The following FAM184A variants were observed in gnomAD, a reference collection of about 807,000 sequenced individuals.
FAM184A encodes family with sequence similarity 184 member A.
Under a neutral mutation model 143.8 loss-of-function variants are expected in FAM184A, and 99 were observed. The ratio of observed to expected loss-of-function variants is 0.69; its 90% CI spans 0.58 to 0.81. The LOEUF (loss-of-function observed/expected upper bound fraction) is 0.81. FAM184A is among the 40% of genes least tolerant of loss of function. The pLI is 0.00. For synonymous variants in FAM184A, 427 were observed against 446.4 expected, an observed-to-expected ratio of 0.96 and a Z score of 0.55; for missense variants, 1,217 against 1,310.5, an observed-to-expected ratio of 0.93 and a Z score of 1.10.
intron 1 of FAM184A, among the ~76,000 whole-genome samples, chr6:119,106,939 A>G (rs1018043005): frequency 1.3e-5 from 2 of 152,224 alleles, no homozygotes; most frequent in Non-Finnish European, 2.9e-5. Flanking sequence ...TTTTCCAAAA[A>G]TGAGAAAAAG....
At chr6:118,977,548 C>T (rs1783883509) in intron 11 of FAM184A, among the ~76,000 whole-genome samples, 1 of 152,164 alleles carries the variant, frequency 6.6e-6, no homozygotes, top group Non-Finnish European at 1.5e-5. Flanking sequence ...CCACTGCATT[C>T]TTAACCTGGG....
At chr6:118,969,153 G>A (rs897310596) in intron 14 of FAM184A, among the ~76,000 whole-genome samples, 1 of 152,152 alleles carries the variant, frequency 6.6e-6, no homozygotes, top group Non-Finnish European at 1.5e-5. Context: ...CTGTCACCAT[G>A]TGAATAAGGA....
At chr6:119,109,675 T>C (rs1196234016) in intron 1 of FAM184A, among the ~76,000 whole-genome samples, 1 of 152,236 alleles carries the variant, frequency 6.6e-6, no homozygotes, top group African/African-American at 2.4e-5. Context: ...AAGCTGTTAA[T>C]GAACAGAGAC....
chr6:119,021,134 G>A (rs1429106705), intron 3 of FAM184A, among the ~76,000 whole-genome samples: 4 of 152,156 alleles, frequency 2.6e-5, no homozygotes, highest in Non-Finnish European at 5.9e-5. Context: ...AAACTCTGAG[G>A]GTGGGGCCCA....
chr6:119,057,147 A>G (rs1787009347), intron 1 of FAM184A, among the ~76,000 whole-genome samples: 1 of 152,206 alleles, frequency 6.6e-6, no homozygotes, highest in Admixed American at 6.5e-5. Context: ...TGCTGCCCAA[A>G]TACACACATA....
rs188038092 is a variant in FAM184A at position 119,032,835 on chromosome 6, T to C, written c.160-8022A>G. Among the ~76,000 whole-genome samples, 490 of 152,356 alleles carry C rather than the reference T, an allele frequency of 3.2e-3. 1 individual carries two copies. The highest frequency in any genetic ancestry group is 4.7e-3 in the Non-Finnish European group (319 of 68,038). ...ATTTTAAACAAAGAGAATGTTTGTA[T>C]TATTAAATCTTCAATTCTTCTAGTT... is the stretch of plus-strand genomic sequence containing the variant. On this transcript the variant is annotated intron_variant, in intron 1 of 17. Coordinates refer to ENST00000338891, the MANE Select transcript of FAM184A (RefSeq NM_024581.6).
In FAM184A at chr6:119,011,456, A is replaced by T. The variant is rs186768282; in HGVS notation, c.1531-25T>A. 1.1e-4 allele frequency: 146 copies of T among 1,364,830 alleles called. No homozygotes were observed. The African/African-American group carries it at 1.2e-3, about 11-fold the overall frequency. 84.5% of individuals were successfully genotyped at this position (1,364,830 alleles called of 1,614,324 possible). The stretch of plus-strand genomic sequence containing the variant: ...CCTTAGAAAAAGAAATTTTTTAAAA[A>T]TTAACAAAATTGCAAGTATTATATA... On this transcript the variant is annotated intron_variant, in intron 5 of 17. Transcript: ENST00000338891.
chr6:119,042,494 G>T (rs1199849290), intron 1 of FAM184A, among the ~76,000 whole-genome samples: 1 of 151,964 alleles, frequency 6.6e-6, no homozygotes, highest in Non-Finnish European at 1.5e-5. Context: ...ATGCCCCTCA[G>T]TTGAATTCTT....
intron 9 of FAM184A, among the ~76,000 whole-genome samples, chr6:118,987,614 T>C (rs1211488406): frequency 6.6e-6 from 1 of 152,178 alleles, no homozygotes; most frequent in Admixed American, 6.5e-5. Context: ...ATTATAACAT[T>C]ACAATGTATA....
At chr6:119,130,139 CAT>C (rs1202285457) in intron 1 of FAM184A, among the ~76,000 whole-genome samples, 1 of 151,916 alleles carries the variant, frequency 6.6e-6, no homozygotes, top group African/African-American at 2.4e-5. Flanking sequence ...GAATATGAGT[CAT>C]ATATTTTTCC....
intron 1 of FAM184A, among the ~76,000 whole-genome samples, chr6:119,117,310 C>T (rs1789085661): frequency 6.6e-6 from 1 of 152,056 alleles, no homozygotes; most frequent in Admixed American, 6.6e-5. Flanking sequence ...ATAGTGGTGC[C>T]CTTAACTAGG....
intron 1 of FAM184A, among the ~76,000 whole-genome samples, chr6:119,069,307 A>C (rs1787593569): frequency 6.6e-6 from 1 of 152,112 alleles, no homozygotes; most frequent in Non-Finnish European, 1.5e-5. Flanking sequence ...ACACACACAC[A>C]CACACACCTT....
At chr6:119,139,632 G>A (rs747065885) in intron 1 of FAM184A, among the ~76,000 whole-genome samples, 3 of 136,114 alleles carry the variant, frequency 2.2e-5, no homozygotes, top group Non-Finnish European at 4.6e-5. Context: ...TTCTCATAAT[G>A]TTGTATATTT....
At chr6:119,130,319 G>C (rs1480629936) in intron 1 of FAM184A, among the ~76,000 whole-genome samples, 2 of 152,158 alleles carry the variant, frequency 1.3e-5, no homozygotes, top group Non-Finnish European at 2.9e-5. Context: ...TTTAATGAAA[G>C]ACTGACAGAT....
chr6:119,001,305 G>A (rs556568016), intron 9 of FAM184A, among the ~76,000 whole-genome samples: 2 of 151,352 alleles, frequency 1.3e-5, no homozygotes, highest in East Asian at 3.9e-4. Context: ...CAGAAGTGTG[G>A]AAAAAGGAAG....
At chr6:119,133,926 C>T (rs1789598483) in intron 1 of FAM184A, among the ~76,000 whole-genome samples, 1 of 151,556 alleles carries the variant, frequency 6.6e-6, no homozygotes, top group Non-Finnish European at 1.5e-5. Flanking sequence ...AAGTGATCTT[C>T]CTGCTTTGGC....
Position 119,063,843 on chromosome 6 carries a change from C to T in FAM184A, c.159+14298G>A, listed in dbSNP as rs144891296. 4.4e-3 allele frequency among the ~76,000 whole-genome samples: 665 copies of T among 152,214 alleles called. 2 individuals are homozygous for T. Among genetic ancestry groups the T allele is most frequent in the Non-Finnish European group, 6.3e-3 (428 of 68,002 alleles). ...TTTGTCATACTAATAAACCAGCCTC[C>T]GGGTCACTGCCCTCATCAGTGTAGA... On this transcript the variant is annotated intron_variant, in intron 1 of 17. Coordinates refer to ENST00000338891, the MANE Select transcript of FAM184A (RefSeq NM_024581.6).
chr6:119,128,887 GT>G (rs56356208), intron 1 of FAM184A, among the ~76,000 whole-genome samples: 108,256 of 149,988 alleles, frequency 0.72, 39,424 homozygotes, highest in South Asian at 0.79. Flanking sequence ...TCCCTTACTA[GT>G]TTTTTTTTTT....
intron 1 of FAM184A, among the ~76,000 whole-genome samples, chr6:119,039,269 T>C (rs1786229727): frequency 6.6e-6 from 1 of 152,218 alleles, no homozygotes; most frequent in Non-Finnish European, 1.5e-5. Flanking sequence ...ATTCTTATCA[T>C]ACAATCCAGG....
Sources: allele counts gnomAD v4.1 joint callset (sites outside exome capture counted in the v4.1 genomes callset), GRCh38; gene constraint gnomAD v4.1.1; transcripts MANE v1.5; gene names NCBI Gene and HGNC (gene_info 2026-07-23, HGNC 2026-07-21).